Variants in ABCC6 observed in about 807,000 individuals in gnomAD.
ABCC6 encodes the protein ATP-binding cassette sub-family C member 6.
Under a neutral mutation model 169.5 loss-of-function variants are expected in ABCC6, and 126 were observed. The observed-to-expected ratio is 0.74, with a 90% CI of 0.64 to 0.86. The LOEUF is 0.86. ABCC6 is among the 40% of genes least tolerant of loss of function. The pLI, the probability that ABCC6 is intolerant of heterozygous loss-of-function variation, is 0.00. For missense variants in ABCC6, 1,733 were observed against 1,927.2 expected (o/e 0.90, Z 1.89); for synonymous variants, 752 against 814.7 (o/e 0.92, Z 1.31).
At chr16:16,196,551 G>A (rs2152276512) in intron 10 of ABCC6, among the ~76,000 whole-genome samples, 1 of 152,306 alleles carries the variant, frequency 6.6e-6, no homozygotes, top group Middle Eastern at 3.4e-3. Context: ...TGGGGCAGGA[G>A]TGCTACTGTT....
At chr16:16,199,960 T>C in intron 9 of ABCC6, among the ~76,000 whole-genome samples, 1 of 151,476 alleles carries the variant, frequency 6.6e-6, no homozygotes, top group South Asian at 2.1e-4. Context: ...CCCAGCTATT[T>C]GGGAGGGTGA....
Position 16,198,075 on chromosome 16 carries a change from G to C in ABCC6, c.1284C>G (p.Asn428Lys), listed in dbSNP as rs57499497. The change falls in exon 10 of 31, where the codon AAC (asparagine) becomes AAG (lysine). Residue 428 changes from asparagine to lysine, a missense_variant. Coordinates refer to ENST00000205557, the MANE Select transcript of ABCC6 (RefSeq NM_001171.6). ...QRLTESVLYLNGLWLPLVWIV... is the reference protein window; with the variant it reads ...QRLTESVLYLKGLWLPLVWIV... ...TCCAGACGAGAGGCAGCCACAGCCC[G>C]TTGAGGTAGAGGACGCTCTCGGTCA... The C allele has an allele frequency of 6.2e-7, 1 of 1,614,138 alleles. No individual in the cohort carries two copies. Among genetic ancestry groups the C allele is most frequent in the Non-Finnish European group, 8.5e-7 (1 of 1,180,018 alleles).
At chr16:16,211,417 A>G (rs2048617545) in intron 6 of ABCC6, among the ~76,000 whole-genome samples, 1 of 152,162 alleles carries the variant, frequency 6.6e-6, no homozygotes, top group African/African-American at 2.4e-5. Context: ...AAAAAAAAAT[A>G]ATTACCACTT....
intron 21 of ABCC6, among the ~76,000 whole-genome samples, chr16:16,171,130 T>A (rs1034956843): frequency 1.3e-5 from 2 of 151,782 alleles, no homozygotes; most frequent in Non-Finnish European, 2.9e-5. Context: ...ACTGGTTCCT[T>A]CACACATTCT....
chr16:16,153,255 A>T (rs536730134), intron 29 of ABCC6, among the ~76,000 whole-genome samples: 4 of 152,308 alleles, frequency 2.6e-5, no homozygotes, highest in African/African-American at 9.6e-5. Flanking sequence ...TCATAGTGGC[A>T]TTATTCAAAA....
chr16:16,161,260 T>C (rs2046707478), intron 25 of ABCC6, among the ~76,000 whole-genome samples, 178 bp downstream of exon 25: 1 of 152,236 alleles, frequency 6.6e-6, no homozygotes, highest in African/African-American at 2.4e-5. Context: ...TTGCCCAAGG[T>C]TGCAAGTTCA....
chr16:16,150,942 T>G (rs113511993), intron 29 of ABCC6, among the ~76,000 whole-genome samples, 170 bp from the exon 30 acceptor site: 110 of 152,356 alleles, frequency 7.2e-4, no homozygotes, highest in African/African-American at 2.6e-3. Context: ...ATAGGAAGCC[T>G]GTTCCTGCCA....
chr16:16,188,129 C>G (rs1281317932), intron 13 of ABCC6, among the ~76,000 whole-genome samples: 3 of 150,636 alleles, frequency 2.0e-5, no homozygotes, highest in Non-Finnish European at 4.4e-5. Flanking sequence ...TGTCTGTAAT[C>G]AGCACTTTGG....
At chr16:16,189,903 C>T (rs568512606) in intron 12 of ABCC6, among the ~76,000 whole-genome samples, 8 of 152,264 alleles carry the variant, frequency 5.3e-5, no homozygotes, top group African/African-American at 1.7e-4. Flanking sequence ...GCATCTGTAC[C>T]CTCCTCCCCA....
intron 17 of ABCC6, among the ~76,000 whole-genome samples, chr16:16,180,425 C>T (rs2047428571): frequency 6.6e-6 from 1 of 152,176 alleles, no homozygotes; most frequent in South Asian, 2.1e-4. Flanking sequence ...TTCCCTTGTG[C>T]ACTATTGATT....
chr16:16,213,077 G>A (rs1033366238), intron 5 of ABCC6, among the ~76,000 whole-genome samples: 3 of 149,450 alleles, frequency 2.0e-5, no homozygotes, highest in African/African-American at 4.9e-5. Flanking sequence ...TCAAGCCTTC[G>A]AGCAATTTTT....
At chr16:16,213,354 C>T (rs2048712884) in intron 5 of ABCC6, among the ~76,000 whole-genome samples, 1 of 151,764 alleles carries the variant, frequency 6.6e-6, no homozygotes, top group South Asian at 2.1e-4. Context: ...CCTCGGTCTC[C>T]CAAAGTGTTG....
Position 16,169,766 on chromosome 16 carries a change from C to G in ABCC6, c.2875G>C (p.Val959Leu), listed in dbSNP as rs1283030742. The G allele has an allele frequency of 2.5e-6, 4 of 1,598,276 alleles. No homozygotes were observed. Among genetic ancestry groups the G allele is most frequent in the Middle Eastern group, 3.4e-4 (2 of 5,898 alleles). The change falls in exon 22 of 31, where the codon GTG becomes CTG. Residue 959 changes from valine (V) to leucine (L), a missense_variant. Transcript: ENST00000205557. ...YALFLFLCQQ[V>L]ASFCRGYWLS... ...CAGTAGCCCCGGCAGAAGGAGGCCACTTGCTGGCAGAGGAAGAGGAAGAGT... is the reference window on the plus strand; with the variant it reads ...CAGTAGCCCCGGCAGAAGGAGGCCAGTTGCTGGCAGAGGAAGAGGAAGAGT...
chr16:16,187,823 G>C (rs1340947405), intron 13 of ABCC6, among the ~76,000 whole-genome samples: 2 of 152,106 alleles, frequency 1.3e-5, no homozygotes, highest in East Asian at 3.9e-4. Context: ...CTTGAGTCCA[G>C]GAGTTTGAGC....
At chr16:16,157,874 C>A (rs527851693) in intron 26 of ABCC6, 65 bp from the exon 27 acceptor site, 1 of 1,534,374 alleles carries the variant, frequency 6.5e-7, no homozygotes, top group South Asian at 1.2e-5. Context: ...AGATGGCCCA[C>A]CTCTATCAGC....
At chr16:16,152,216 G>A (rs1262020206) in intron 29 of ABCC6, among the ~76,000 whole-genome samples, 3 of 39,834 alleles carry the variant, frequency 7.5e-5, no homozygotes, top group African/African-American at 1.8e-4. Context: ...AAAAAAAAAA[G>A]TGTGTAGGCT....
chr16:16,221,970 T>C (rs1359964739), intron 1 of ABCC6, 139 bp from the exon 2 acceptor site: 4 of 1,294,486 alleles, frequency 3.1e-6, no homozygotes, highest in African/African-American at 1.5e-5. Context: ...TACCTACTAA[T>C]TCTCAATTCC....
chr16:16,162,092 TCC>T (rs2046739455), intron 24 of ABCC6, among the ~76,000 whole-genome samples: 2 of 152,164 alleles, frequency 1.3e-5, no homozygotes, highest in Admixed American at 6.5e-5. Flanking sequence ...TGCTTCCCTT[TCC>T]ACCATGATTG....
intron 13 of ABCC6, among the ~76,000 whole-genome samples, 175 bp from the exon 14 acceptor site, chr16:16,187,386 T>C (rs2047684337): frequency 6.6e-6 from 1 of 152,196 alleles, no homozygotes; most frequent in South Asian, 2.1e-4. Context: ...AGTGGTGACC[T>C]TGATGGTGGT....
Sources: allele counts gnomAD v4.1 joint callset (sites outside exome capture counted in the v4.1 genomes callset), GRCh38; gene constraint gnomAD v4.1.1; transcripts MANE v1.5; gene names NCBI Gene and HGNC (gene_info 2026-07-23, HGNC 2026-07-21).